NLRC5: variants seen among roughly 807,000 people sequenced by gnomAD.
NLRC5 encodes NLR family CARD domain containing 5, also known as protein NLRC5.
Under a neutral mutation model 206.9 loss-of-function variants are expected in NLRC5, and 114 were observed. The observed-to-expected ratio is 0.55, with a 90% CI of 0.47 to 0.64. NLRC5 has a LOEUF of 0.64. NLRC5 is among the 30% of genes least tolerant of loss of function. The pLI, the probability that NLRC5 is intolerant of heterozygous loss-of-function variation, is 0.00. For missense variants in NLRC5, 2,008 were observed against 2,305.5 expected, an observed-to-expected ratio of 0.87 and a Z score of 2.64; for synonymous variants, 952 against 962.8, an observed-to-expected ratio of 0.99 and a Z score of 0.21.
intron 38 of NLRC5, among the ~76,000 whole-genome samples, chr16:57,073,007 C>T (rs934691458): frequency 6.6e-6 from 1 of 152,166 alleles, no homozygotes; most frequent in East Asian, 1.9e-4. Context: ...TGTTTCTTTG[C>T]CCACTGTCCA....
At chr16:57,057,536 G>A (rs1391455047) in intron 27 of NLRC5, among the ~76,000 whole-genome samples, 3 of 152,156 alleles carry the variant, frequency 2.0e-5, no homozygotes, top group Non-Finnish European at 4.4e-5. Context: ...AGAAATCTAT[G>A]GGTTTAATGC....
At chr16:57,042,168 A>C (rs2063363487) in intron 19 of NLRC5, 103 bp downstream of exon 19, 3 of 667,192 alleles carry the variant, frequency 4.5e-6, no homozygotes, top group Non-Finnish European at 7.0e-6. Context: ...TTAAATCGGA[A>C]AATGCATGAA....
intron 1 of NLRC5, among the ~76,000 whole-genome samples, chr16:56,990,237 G>A (rs1204377311): frequency 2.0e-5 from 3 of 152,068 alleles, no homozygotes; most frequent in Non-Finnish European, 4.4e-5. Flanking sequence ...AATCTCCACC[G>A]CTGGTTATTT....
At chr16:56,990,040 T>C (rs1258814235) in intron 1 of NLRC5, among the ~76,000 whole-genome samples, 2 of 152,258 alleles carry the variant, frequency 1.3e-5, no homozygotes, top group African/African-American at 4.8e-5. Flanking sequence ...ATTTAGACTT[T>C]TTGGCCTAAA....
At chr16:57,065,366 C>A in intron 33 of NLRC5, 68 bp downstream of exon 33, 1 of 1,145,752 alleles carries the variant, frequency 8.7e-7, no homozygotes, top group Admixed American at 2.7e-5. Flanking sequence ...TTTCCTTGAC[C>A]TTCCCTCATC....
intron 4 of NLRC5, among the ~76,000 whole-genome samples, chr16:57,022,551 A>C (rs1651665): frequency 0.68 from 104,145 of 152,080 alleles, 36,599 homozygotes; most frequent in East Asian, 0.91. Context: ...TACCAATTCT[A>C]AAGGGTCTAA....
At chr16:57,049,062 T>C (rs34392953) in intron 23 of NLRC5, among the ~76,000 whole-genome samples, 19,783 of 152,038 alleles carry the variant, frequency 0.13, 1,420 homozygotes, top group Non-Finnish European at 0.17. Flanking sequence ...AGAATTGTCT[T>C]GGGCCACACA....
In NLRC5 at chr16:57,079,292, AGT is replaced by A; in HGVS notation, c.5237+1_5237+2del. On this transcript the variant is annotated splice_donor_variant, in intron 45 of 48. Coordinates refer to ENST00000688547, the MANE Select transcript of NLRC5 (RefSeq NM_001384950.1). LOFTEE classifies it high-confidence loss of function. ...GAGCTCCCGCTGCTCAGACAGATAG[AGT>A]AAGTAGCCTCCCCTGCCTGCCTAGG... 2 of 1,613,258 alleles carry A rather than the reference AGT, an allele frequency of 1.2e-6. No homozygotes were observed. The highest frequency in any genetic ancestry group is 1.7e-6 in the Non-Finnish European group (2 of 1,179,980).
chr16:57,080,481 A>ATTTTT lies in NLRC5; in HGVS notation c.5322-600_5322-596dup, dbSNP rs34595999. ...GTAGCAATAAAAGTTTCCTTTCAAG[A>ATTTTT]TTTTTTTTTTTTTTTTTTTTTGAGA... On this transcript the variant is annotated intron_variant, in intron 46 of 48. Transcript: ENST00000688547. Among the ~76,000 whole-genome samples the ATTTTT allele has an allele frequency of 7.3e-4, 81 of 111,160 alleles. 5 individuals are homozygous for ATTTTT. Among genetic ancestry groups the ATTTTT allele is most frequent in the Non-Finnish European group, 9.5e-4 (54 of 57,092 alleles). The allele number at this position is 111,160 out of a possible 152,430, so 72.9% of individuals were successfully genotyped here. A position where few individuals can be genotyped will look rare whatever the true frequency, so the allele number is the denominator to read the frequency against.
rs1295803643 is a variant in NLRC5 at position 57,026,341 on chromosome 16, G to A, written c.1398G>A (p.Arg466=). 1.5e-5 allele frequency: 24 copies of A among 1,613,876 alleles called. No homozygotes were observed. The highest frequency in any genetic ancestry group is 5.0e-5 in the Admixed American group (3 of 60,014). Residue 466 remains arginine (R), a synonymous_variant, in exon 6 of 49, where the codon AGG becomes AGA. Coordinates refer to ENST00000688547, the MANE Select transcript of NLRC5 (RefSeq NM_001384950.1). ...SLLDLGEVAL[R]GLETGKVIFY... ...TGGACCTGGGGGAGGTGGCCCTGAGGGGCCTGGAGACAGGGAAGGTTATCT... is the reference window on the plus strand; with the variant it reads ...TGGACCTGGGGGAGGTGGCCCTGAGAGGCCTGGAGACAGGGAAGGTTATCT...
In NLRC5 at chr16:57,025,453, C is replaced by A; in HGVS notation, c.510C>A (p.His170Gln). 6.2e-7 allele frequency: 1 copy of A among 1,609,636 alleles called. No homozygotes were observed. The highest frequency in any genetic ancestry group is 8.5e-7 in the Non-Finnish European group (1 of 1,177,468). ...RSQIPGSGQP[H>Q]AFHQVYVPPI... ...AAATCCCTGGGTCAGGGCAGCCCCACGCCTTCCACCAGGTCTATGTCCCTC... is the reference window on the plus strand; with the variant it reads ...AAATCCCTGGGTCAGGGCAGCCCCAAGCCTTCCACCAGGTCTATGTCCCTC... Residue 170 changes from histidine (H) to glutamine (Q), a missense_variant, in exon 6 of 49, where the codon CAC becomes CAA. Physicochemically the swap from His to Gln is conservative, Grantham distance 24. Coordinates refer to ENST00000688547, the MANE Select transcript of NLRC5 (RefSeq NM_001384950.1).
rs976579092 is a variant in NLRC5, at chr16:57,028,451, C to T, written c.2243+66C>T. 134 of 1,248,500 alleles carry T rather than the reference C, an allele frequency of 1.1e-4. 3 individuals carry two copies. In the South Asian group the frequency reaches 1.5e-3, roughly 14 times the overall value. The allele number at this position is 1,248,500 out of a possible 1,614,324, so 77.3% of individuals were successfully genotyped here. On this transcript the variant is annotated intron_variant, in intron 8 of 48. Transcript: ENST00000688547. ...GCCACTGCCCAGGTCCCAGAGTCCC[C>T]CTGGGGCCTGCATGTTCCTCCAAGT...
intron 1 of NLRC5, among the ~76,000 whole-genome samples, chr16:57,012,453 C>T (rs554032106): frequency 7.2e-5 from 11 of 152,266 alleles, no homozygotes; most frequent in Non-Finnish European, 1.3e-4. Context: ...GGCTACAGAT[C>T]AGTGTCGGTT....
intron 20 of NLRC5, among the ~76,000 whole-genome samples, chr16:57,044,628 A>C (rs1350825394): frequency 6.6e-6 from 1 of 151,912 alleles, no homozygotes; most frequent in Non-Finnish European, 1.5e-5. Context: ...AAGAATAATT[A>C]CTGGCCTGGC....
In NLRC5 at chr16:57,076,362, C is replaced by T. The variant is rs1001243996; in HGVS notation, c.4752-457C>T. Among the ~76,000 whole-genome samples, 16 of 152,364 alleles carry T rather than the reference C, an allele frequency of 1.1e-4. No homozygotes were observed. In the South Asian group the frequency reaches 3.3e-3, roughly 32 times the overall value. ...GTCAGGGCTCAGTAAAGACAATACC[C>T]TGGGTTTAAGGAAAAACCTACCATT... On this transcript the variant is annotated intron_variant, in intron 39 of 48. Coordinates refer to ENST00000688547, the MANE Select transcript of NLRC5 (RefSeq NM_001384950.1).
At chr16:57,013,863 G>A in intron 1 of NLRC5, 1 of 647,974 alleles carries the variant, frequency 1.5e-6, no homozygotes. Flanking sequence ...TTCAAAAATG[G>A]CAAGCCACAC....
chr16:57,081,475 C>T (rs145542672), intron 47 of NLRC5, 52 bp from the exon 48 acceptor site: 1 of 1,543,082 alleles, frequency 6.5e-7, no homozygotes, highest in African/African-American at 1.4e-5. Context: ...CTCTCACACC[C>T]ATTCTCATGG....
intron 1 of NLRC5, among the ~76,000 whole-genome samples, chr16:57,000,756 G>GT (rs758395641): frequency 6.6e-6 from 1 of 152,186 alleles, no homozygotes; most frequent in Non-Finnish European, 1.5e-5. Context: ...AAATGGATAT[G>GT]CCCTATAAGG....
chr16:57,081,126 G>A lies in NLRC5; in HGVS notation c.5350G>A (p.Ala1784Thr), dbSNP rs2145168561. 3 of 1,547,020 alleles carry A rather than the reference G, an allele frequency of 1.9e-6. No individual in the cohort carries two copies. The highest frequency in any genetic ancestry group is 1.4e-5 in the African/African-American group (1 of 73,294). ...LLSWNLLGDE[A>T]AAELAQVLPQ... ...GTCCTGGAATCTCCTCGGGGATGAG[G>A]CAGCTGCCGAGCTGGCCCAGGTGCT... The change falls in exon 47 of 49, where the codon GCA becomes ACA. Residue 1784 changes from alanine (A) to threonine (T), a missense_variant. Ala to Thr is a moderately conservative substitution (Grantham distance 58). Coordinates refer to ENST00000688547, the MANE Select transcript of NLRC5 (RefSeq NM_001384950.1).
Sources: allele counts gnomAD v4.1 joint callset (sites outside exome capture counted in the v4.1 genomes callset), GRCh38; gene constraint gnomAD v4.1.1; transcripts MANE v1.5; gene names NCBI Gene and HGNC (gene_info 2026-07-23, HGNC 2026-07-21).